GALNT18: variants seen among roughly 807,000 people sequenced by gnomAD.
GALNT18 encodes the protein GalNAc-transferase 18.
A neutral mutation model predicts 69.5 loss-of-function variants in GALNT18; 44 were observed. The ratio of observed to expected loss-of-function variants is 0.63; its 90% CI spans 0.50 to 0.81. The LOEUF (loss-of-function observed/expected upper bound fraction) is 0.81, where lower values mean the gene tolerates loss of function less well. Among genes scored for constraint, GALNT18 ranks in the 40% least tolerant of loss-of-function variants. GALNT18 has a pLI of 0.00. For synonymous variants in GALNT18, 364 were observed against 318.2 expected (o/e 1.14, Z -1.53); for missense variants, 715 against 810.0 (o/e 0.88, Z 1.42).
At position 11,590,181 on chromosome 11, in the gene GALNT18, G is replaced by A. The variant is rs977382285; in HGVS notation, c.235+31178C>T. Among the ~76,000 whole-genome samples, 3 of 152,236 alleles carry A rather than the reference G, an allele frequency of 2.0e-5. No homozygotes were observed. Among genetic ancestry groups the A allele is most frequent in the Non-Finnish European group, 4.4e-5 (3 of 68,042 alleles). On this transcript the variant is annotated intron_variant, in intron 1 of 10. Coordinates refer to ENST00000227756, the MANE Select transcript of GALNT18 (RefSeq NM_198516.3). The surrounding 1 kb of genome is among the most constrained non-coding windows in gnomAD (Gnocchi z 4.4). ...TTTCCCAGCTTCCCTTGCAGTCAGC[G>A]GCTGCTACATGGCTGATTCTGTGAA...
At chr11:11,536,659 A>T (rs1422662052) in intron 1 of GALNT18, among the ~76,000 whole-genome samples, 1 of 152,150 alleles carries the variant, frequency 6.6e-6, no homozygotes, top group African/African-American at 2.4e-5. Context: ...GACAAAAAAA[A>T]AAAAACCTCC....
chr11:11,358,432 G>A lies in GALNT18; in HGVS notation c.1092+14083C>T, dbSNP rs1240589767. On this transcript the variant is annotated intron_variant, in intron 6 of 10. Coordinates refer to ENST00000227756, the MANE Select transcript of GALNT18 (RefSeq NM_198516.3). ...CACCCTGAAACCTTCCATCATCTGA[G>A]TTTGAAATATCAATGCCATCTTTGT... Among the ~76,000 whole-genome samples the A allele has an allele frequency of 5.7e-5, 8 of 140,372 alleles. 2 individuals carry two copies. The East Asian group carries it at 1.2e-3, about 20-fold the overall frequency. The allele number at this position is 140,372 out of a possible 152,430, so 92.1% of individuals were successfully genotyped here.
intron 10 of GALNT18, among the ~76,000 whole-genome samples, chr11:11,275,100 G>C (rs1416152287): frequency 6.6e-6 from 1 of 152,210 alleles, no homozygotes; most frequent in African/African-American, 2.4e-5. Context: ...TCTAGTTCTA[G>C]ATCCTTGAGA....
chr11:11,401,528 A>G (rs551974340), intron 3 of GALNT18, among the ~76,000 whole-genome samples: 1 of 152,340 alleles, frequency 6.6e-6, no homozygotes, highest in East Asian at 1.9e-4. Flanking sequence ...TGAGGGGGCC[A>G]TTCCAAGTAC....
intron 1 of GALNT18, among the ~76,000 whole-genome samples, chr11:11,574,842 C>T (rs11021940): frequency 0.26 from 39,251 of 152,068 alleles, 6,738 homozygotes; most frequent in African/African-American, 0.48. Flanking sequence ...TTACTCTGAG[C>T]GTTCATAAAG....
intron 8 of GALNT18, among the ~76,000 whole-genome samples, chr11:11,328,033 T>G (rs550110885): frequency 2.0e-5 from 3 of 152,188 alleles, no homozygotes; most frequent in African/African-American, 7.2e-5. Context: ...CTGTGATCAG[T>G]GGGTGGTGGC....
chr11:11,416,752 A>G (rs6416091), intron 3 of GALNT18, among the ~76,000 whole-genome samples: 150,696 of 152,290 alleles, frequency 0.99, 74,585 homozygotes, highest in East Asian at 1. Context: ...CCAGGGTAGC[A>G]GGTCACAGGC....
At chr11:11,446,033 T>C (rs781547691) in intron 2 of GALNT18, among the ~76,000 whole-genome samples, 3 of 152,152 alleles carry the variant, frequency 2.0e-5, no homozygotes, top group Admixed American at 6.5e-5. Context: ...TTGTGCAGCA[T>C]TGTGCACAGT....
In GALNT18 at chr11:11,444,475, C is replaced by T. The variant is rs1251136332; in HGVS notation, c.428+4269G>A. ...GTCCGACGCTTTGTTGGGTGCCGGG[C>T]ACATCATGAGTGCTCAGTAAATGTT... On this transcript the variant is annotated intron_variant, in intron 2 of 10. Transcript: ENST00000227756. The surrounding 1 kb of genome is among the most constrained non-coding windows in gnomAD (Gnocchi z 4.4). Among the ~76,000 whole-genome samples the T allele has an allele frequency of 6.6e-6, 1 of 152,158 alleles. No homozygotes were observed. Among genetic ancestry groups the T allele is most frequent in the Non-Finnish European group, 1.5e-5 (1 of 68,034 alleles).
At chr11:11,539,740 T>C (rs1386442248) in intron 1 of GALNT18, among the ~76,000 whole-genome samples, 3 of 152,074 alleles carry the variant, frequency 2.0e-5, no homozygotes, top group Non-Finnish European at 1.5e-5. Context: ...ATGAAAGACT[T>C]TGCCCAAAGA....
intron 1 of GALNT18, among the ~76,000 whole-genome samples, chr11:11,572,979 A>G (rs1468737117): frequency 1.3e-5 from 2 of 152,188 alleles, no homozygotes; most frequent in African/African-American, 4.8e-5. Context: ...AACTCTTTCA[A>G]GTGGTCACTT....
At chr11:11,272,972 G>C (rs78681391) in intron 10 of GALNT18, among the ~76,000 whole-genome samples, 2 of 151,802 alleles carry the variant, frequency 1.3e-5, no homozygotes, top group African/African-American at 4.8e-5. Flanking sequence ...TCAATAAATT[G>C]CCTGAGAAAA....
chr11:11,441,723 G>T (rs1296920891), intron 2 of GALNT18, among the ~76,000 whole-genome samples: 1 of 152,194 alleles, frequency 6.6e-6, no homozygotes, highest in East Asian at 1.9e-4. Flanking sequence ...TTCGCTCATG[G>T]TTAGCAACTC....
Position 11,542,126 on chromosome 11 carries a change from G to A in GALNT18, c.235+79233C>T, listed in dbSNP as rs1211812083. Among the ~76,000 whole-genome samples, 4 of 152,206 alleles carry A rather than the reference G, an allele frequency of 2.6e-5. No individual in the cohort carries two copies. Among genetic ancestry groups the A allele is most frequent in the Non-Finnish European group, 5.9e-5 (4 of 68,044 alleles). On this transcript the variant is annotated intron_variant, in intron 1 of 10. Transcript: ENST00000227756. This position sits in a 1 kb window ranked among gnomAD's most constrained non-coding sequence, Gnocchi z 4.3. ...CACGCACCCCGCTCCTCACCCACAA[G>A]CTAGTGGGTCCATCTCAATCACTTA...
At chr11:11,483,056 G>T (rs547783888) in intron 1 of GALNT18, among the ~76,000 whole-genome samples, 1 of 152,134 alleles carries the variant, frequency 6.6e-6, no homozygotes, top group South Asian at 2.1e-4. Context: ...ATTTGCTCAG[G>T]ATTCTCCCCT....
At chr11:11,352,918 T>C in intron 6 of GALNT18, 1 of 1,614,228 alleles carries the variant, frequency 6.2e-7, no homozygotes, top group Non-Finnish European at 8.5e-7. Flanking sequence ...TTGAGAATTT[T>C]AACAACAACT....
At chr11:11,451,454 G>A (rs1590015708) in intron 1 of GALNT18, among the ~76,000 whole-genome samples, 1 of 152,090 alleles carries the variant, frequency 6.6e-6, no homozygotes, top group East Asian at 1.9e-4. Context: ...TTAAAGTCCT[G>A]GTGACACCAC....
Position 11,439,333 on chromosome 11 carries a change from C to T in GALNT18, c.429-6546G>A, listed in dbSNP as rs898659482. On this transcript the variant is annotated intron_variant, in intron 2 of 10. Coordinates refer to ENST00000227756, the MANE Select transcript of GALNT18 (RefSeq NM_198516.3). This position sits in a 1 kb window ranked among gnomAD's most constrained non-coding sequence, Gnocchi z 4.4. ...CCACGCTGCCTCCTCCAGAGCCTGC[C>T]TGTGTGGCTTCTCATTGTGTGATTG... Among the ~76,000 whole-genome samples the T allele has an allele frequency of 1.8e-4, 27 of 152,316 alleles. No individual in the cohort carries two copies. The highest frequency in any genetic ancestry group is 6.5e-4 in the African/African-American group (27 of 41,578).
At chr11:11,478,530 A>G (rs1373345547) in intron 1 of GALNT18, among the ~76,000 whole-genome samples, 1 of 152,248 alleles carries the variant, frequency 6.6e-6, no homozygotes, top group South Asian at 2.1e-4. Context: ...GGCCTGAGCA[A>G]ACAGCCCAGA....
Sources: allele counts gnomAD v4.1 joint callset (sites outside exome capture counted in the v4.1 genomes callset), GRCh38; gene constraint gnomAD v4.1.1; non-coding constraint Gnocchi (gnomAD v3.1); transcripts MANE v1.5; gene names NCBI Gene and HGNC (gene_info 2026-07-23, HGNC 2026-07-21).